Variants in ERI1 observed in about 807,000 individuals in gnomAD.
ERI1 encodes exoribonuclease 1.
ERI1 carries 39 observed loss-of-function variants against 39.7 expected under a neutral mutation model. That is an observed-to-expected ratio of 0.98 (90% CI 0.76 to 1.28). The LOEUF is 1.28. ERI1 is among the 50% of genes most tolerant of loss of function. The pLI is 0.00. For synonymous variants in ERI1, 204 were observed against 149.6 expected, an observed-to-expected ratio of 1.36 and a Z score of -2.65; for missense variants, 581 against 416.9, an observed-to-expected ratio of 1.39 and a Z score of -3.43.
chr8:9,058,627 T>C (rs1207029297), intron 3 of ERI1, among the ~76,000 whole-genome samples: 1 of 152,220 alleles, frequency 6.6e-6, no homozygotes, highest in Non-Finnish European at 1.5e-5. Flanking sequence ...GAAAGTATCG[T>C]CTTCTGTTTA....
intron 6 of ERI1, among the ~76,000 whole-genome samples, chr8:9,022,980 A>G (rs78550140): frequency 6.6e-6 from 1 of 152,240 alleles, no homozygotes; most frequent in African/African-American, 2.4e-5. Context: ...CACAGCTACC[A>G]TACCATTGTG....
rs1463283573 is a variant in ERI1, at chr8:9,031,765, T to G, written c.*1731T>G. The G allele has an allele frequency of 6.6e-6, 1 of 152,184 alleles. No individual in the cohort carries two copies. Among genetic ancestry groups the G allele is most frequent in the East Asian group, 1.9e-4 (1 of 5,196 alleles). The allele number at this position is 152,184 out of a possible 1,614,324, so 9.4% of individuals were successfully genotyped here. A position where few individuals can be genotyped will look rare whatever the true frequency, so the allele number is the denominator to read the frequency against. ...AGCTCTCAGTACCCTATTTTGTTGT[T>G]GTTGTTGTTTGAGACAGAGTTTTTG... is the stretch of plus-strand genomic sequence containing the variant. On this transcript the variant is annotated 3_prime_UTR_variant, in exon 7 of 7. Coordinates refer to ENST00000250263, the MANE Select transcript of ERI1 (RefSeq NM_153332.4).
chr8:9,024,548 G>C (rs1158045376), intron 6 of ERI1, among the ~76,000 whole-genome samples: 1 of 152,068 alleles, frequency 6.6e-6, no homozygotes, highest in Non-Finnish European at 1.5e-5. Context: ...AGCGTCTCAA[G>C]TAGCTGAGAT....
downstream of ERI1, among the ~76,000 whole-genome samples, chr8:9,034,899 C>G (rs555190362): frequency 5.3e-4 from 80 of 152,260 alleles, no homozygotes; most frequent in African/African-American, 1.9e-3. Flanking sequence ...AGTGAGCACA[C>G]AAGTGATAAG....
chr8:9,068,756 T>C (rs546816674), intron 3 of ERI1, among the ~76,000 whole-genome samples: 7 of 152,318 alleles, frequency 4.6e-5, no homozygotes, highest in African/African-American at 1.7e-4. Flanking sequence ...CTGGCTTGTG[T>C]TGTTCACCTG....
At chr8:9,095,735 G>A (rs1799856248) in intron 3 of ERI1, among the ~76,000 whole-genome samples, 1 of 151,966 alleles carries the variant, frequency 6.6e-6, no homozygotes, top group Non-Finnish European at 1.5e-5. Flanking sequence ...TGCCCACGCT[G>A]GCCTTGAACT....
chr8:9,048,853 C>A (rs1798260769), intron 3 of ERI1, among the ~76,000 whole-genome samples: 2 of 151,678 alleles, frequency 1.3e-5, no homozygotes, highest in African/African-American at 4.8e-5. Flanking sequence ...GCTATGTTGC[C>A]CAGGCTGGTC....
intron 3 of ERI1, among the ~76,000 whole-genome samples, chr8:9,014,745 CTTAAT>C (rs1209943962): frequency 6.6e-6 from 1 of 152,190 alleles, no homozygotes; most frequent in African/African-American, 2.4e-5. Flanking sequence ...AGGATATAGA[CTTAAT>C]TTATCTGTGA....
chr8:9,082,963 G>A (rs1273087987), intron 3 of ERI1, among the ~76,000 whole-genome samples: 1 of 152,210 alleles, frequency 6.6e-6, no homozygotes, highest in Admixed American at 6.5e-5. Context: ...ATCTACCTTA[G>A]TGTGAACTTC....
chr8:9,010,497 T>C (rs1486507298), intron 2 of ERI1, among the ~76,000 whole-genome samples: 4 of 152,228 alleles, frequency 2.6e-5, no homozygotes, highest in Non-Finnish European at 5.9e-5. Context: ...TGGTTGATTA[T>C]TACTATTTTC....
Position 9,032,343 on chromosome 8 carries a change from A to G in ERI1, c.*2309A>G, listed in dbSNP as rs1356727071. The G allele has an allele frequency of 3.9e-5, 6 of 152,194 alleles. No homozygotes were observed. Among genetic ancestry groups the G allele is most frequent in the East Asian group, 3.8e-4 (2 of 5,202 alleles). 9.4% of individuals were successfully genotyped at this position (152,194 alleles called of 1,614,324 possible). On this transcript the variant is annotated 3_prime_UTR_variant, in exon 7 of 7. Coordinates refer to ENST00000250263, the MANE Select transcript of ERI1 (RefSeq NM_153332.4). ...TGTGTTAACTTTTATTCTATGCTTCATATGCTCTGACATTGACATAGTGGA... is the reference window on the plus strand; with the variant it reads ...TGTGTTAACTTTTATTCTATGCTTCGTATGCTCTGACATTGACATAGTGGA...
chr8:9,068,578 A>G (rs974959156), intron 3 of ERI1, among the ~76,000 whole-genome samples: 2 of 152,084 alleles, frequency 1.3e-5, no homozygotes, highest in Non-Finnish European at 2.9e-5. Context: ...GTCTTTATTG[A>G]GCACCAAGCA....
intron 3 of ERI1, among the ~76,000 whole-genome samples, chr8:9,088,966 G>A (rs1799619797): frequency 6.6e-6 from 1 of 152,208 alleles, no homozygotes; most frequent in African/African-American, 2.4e-5. Context: ...CTAAGCTGCA[G>A]GGTTAGCACG....
chr8:9,069,767 A>G (rs1183423667), intron 3 of ERI1, among the ~76,000 whole-genome samples: 1 of 152,216 alleles, frequency 6.6e-6, no homozygotes, highest in East Asian at 1.9e-4. Context: ...AAAAAAGTAA[A>G]GTATTACTTT....
At chr8:9,013,582 G>C (rs1299574280) in intron 3 of ERI1, among the ~76,000 whole-genome samples, 3 of 151,868 alleles carry the variant, frequency 2.0e-5, no homozygotes, top group Admixed American at 6.6e-5. Flanking sequence ...ATCTTATCTA[G>C]TTCCATAGCT....
intron 3 of ERI1, among the ~76,000 whole-genome samples, chr8:9,079,787 C>T (rs1187209869): frequency 2.0e-5 from 3 of 152,158 alleles, no homozygotes; most frequent in Non-Finnish European, 2.9e-5. Flanking sequence ...CCTCCCACCT[C>T]AGCCTCTAGA....
At chr8:9,048,592 G>A (rs1378773298) in intron 3 of ERI1, 2 of 153,254 alleles carry the variant, frequency 1.3e-5, no homozygotes, top group Non-Finnish European at 2.9e-5. Flanking sequence ...GTGTGAAGGA[G>A]GCAGGGAAGG....
intron 3 of ERI1, chr8:9,100,006 C>A (rs1415720626): frequency 6.6e-6 from 1 of 152,350 alleles, no homozygotes; most frequent in Non-Finnish European, 1.5e-5. Flanking sequence ...CTAACATTTA[C>A]TGCACATTTA....
chr8:9,004,981 G>A (rs747227788), intron 1 of ERI1, among the ~76,000 whole-genome samples: 5 of 152,092 alleles, frequency 3.3e-5, no homozygotes, highest in Admixed American at 2.0e-4. Flanking sequence ...GAGCCACTGC[G>A]CCTGGCCATG....
Sources: allele counts gnomAD v4.1 joint callset (sites outside exome capture counted in the v4.1 genomes callset), GRCh38; gene constraint gnomAD v4.1.1; transcripts MANE v1.5; gene names NCBI Gene and HGNC (gene_info 2026-07-23, HGNC 2026-07-21).